EYS: variants seen among roughly 807,000 people sequenced by gnomAD.
EYS encodes the protein protein eyes shut homolog.
EYS carries 250 observed loss-of-function variants against 282.1 expected under a neutral mutation model. The ratio of observed to expected loss-of-function variants is 0.89; its 90% CI spans 0.80 to 0.98. The LOEUF (loss-of-function observed/expected upper bound fraction) is 0.98, where lower values mean the gene tolerates loss of function less well. Ranked by LOEUF, EYS falls within the 50% of genes least tolerant of loss-of-function variation. The pLI is 0.00. For synonymous variants in EYS, 1,355 were observed against 1,282.9 expected (o/e 1.06, Z -1.20); for missense variants, 4,016 against 3,709.0 (o/e 1.08, Z -2.15).
intron 5 of EYS, among the ~76,000 whole-genome samples, chr6:65,437,004 T>C (rs1290204709): frequency 6.6e-6 from 1 of 152,102 alleles, no homozygotes; most frequent in African/African-American, 2.4e-5. Flanking sequence ...AAGTAAAAAT[T>C]AGAAATCTAC....
Position 64,875,270 on chromosome 6 carries a change from A to C in EYS, c.2992+11427T>G, listed in dbSNP as rs1199317199. Among the ~76,000 whole-genome samples the C allele has an allele frequency of 3.3e-5, 5 of 152,004 alleles. No homozygotes were observed. The East Asian group carries it at 7.8e-4, about 24-fold the overall frequency. ...AGGAAGTTGGAGAATTAAAATGTTC[A>C]TGCTTTGGGACATAGGTATTAGGTG... is the stretch of plus-strand genomic sequence containing the variant. On this transcript the variant is annotated intron_variant, in intron 19 of 42. Coordinates refer to ENST00000503581, the MANE Select transcript of EYS (RefSeq NM_001142800.2).
intron 27 of EYS, among the ~76,000 whole-genome samples, chr6:64,436,857 T>C (rs1475706752): frequency 1.3e-5 from 2 of 151,844 alleles, no homozygotes; most frequent in Non-Finnish European, 2.9e-5. Context: ...TACATTGGCT[T>C]ATTAAGCTTC....
chr6:64,115,792 A>AT (rs1367662582), intron 31 of EYS, among the ~76,000 whole-genome samples: 3 of 152,180 alleles, frequency 2.0e-5, no homozygotes, highest in Non-Finnish European at 4.4e-5. Flanking sequence ...AAGAAACATG[A>AT]TATCACAAAA....
chr6:64,234,863 C>T lies in EYS; in HGVS notation c.6192-4039G>A, dbSNP rs117691467. Among the ~76,000 whole-genome samples the T allele has an allele frequency of 2.7e-3, 395 of 148,728 alleles. 6 individuals carry two copies. In the East Asian group the frequency reaches 0.03, roughly 11 times the overall value. On this transcript the variant is annotated intron_variant, in intron 30 of 42. Transcript: ENST00000503581. ...TTCAAGGTTCACCCATGTTGTTGCA[C>T]GTATCAGAACTTTATTCTTTTTTTT...
chr6:64,449,976 A>G (rs1775264991), intron 26 of EYS, among the ~76,000 whole-genome samples: 1 of 152,186 alleles, frequency 6.6e-6, no homozygotes, highest in South Asian at 2.1e-4. Flanking sequence ...AGCTAACATC[A>G]TAATGACAGG....
In EYS at chr6:65,696,413, A is replaced by C. The variant is rs569088247; in HGVS notation, c.-448+10722T>G. On this transcript the variant is annotated intron_variant, in intron 1 of 42. Transcript: ENST00000503581. ...TATTAGACAACTTTTGAAGTTAGTA[A>C]CTTCGAGCTGATTTTAATCATTTAT... 9.2e-5 allele frequency among the ~76,000 whole-genome samples: 14 copies of C among 152,162 alleles called. No homozygotes were observed. In the South Asian group the frequency reaches 2.9e-3, roughly 31 times the overall value.
intron 36 of EYS, among the ~76,000 whole-genome samples, chr6:63,849,823 G>A (rs1171136191): frequency 6.6e-6 from 1 of 152,170 alleles, no homozygotes; most frequent in Non-Finnish European, 1.5e-5. Flanking sequence ...GATGGAGAAT[G>A]AGTTACACAA....
intron 33 of EYS, among the ~76,000 whole-genome samples, chr6:64,012,636 T>C (rs1039683961): frequency 6.6e-6 from 1 of 152,208 alleles, no homozygotes; most frequent in Non-Finnish European, 1.5e-5. Flanking sequence ...ACTTCACTTA[T>C]CCAGTGTGAT....
intron 22 of EYS, among the ~76,000 whole-genome samples, chr6:64,695,142 C>A (rs912378999): frequency 1.1e-4 from 17 of 152,044 alleles, no homozygotes; most frequent in African/African-American, 3.6e-4. Flanking sequence ...CCATCCAACC[C>A]ACCCTAGAGG....
chr6:64,684,814 T>C (rs1031735719), intron 22 of EYS, among the ~76,000 whole-genome samples: 4 of 151,302 alleles, frequency 2.6e-5, no homozygotes, highest in Admixed American at 6.6e-5. Flanking sequence ...AATAGAAAAA[T>C]TAAAATAAGA....
At chr6:64,393,370 C>CA (rs944146107) in intron 28 of EYS, among the ~76,000 whole-genome samples, 1 of 152,076 alleles carries the variant, frequency 6.6e-6, no homozygotes, top group Non-Finnish European at 1.5e-5. Flanking sequence ...AACATTGATG[C>CA]AAAAAACCTC....
intron 5 of EYS, among the ~76,000 whole-genome samples, chr6:65,475,779 A>ACT (rs57842433): frequency 6.6e-6 from 1 of 151,552 alleles, no homozygotes; most frequent in Non-Finnish European, 1.5e-5. Context: ...ACACACACAC[A>ACT]GAGACAGAGA....
chr6:64,531,037 A>G (rs1764311561), intron 26 of EYS, among the ~76,000 whole-genome samples: 1 of 152,172 alleles, frequency 6.6e-6, no homozygotes, highest in Non-Finnish European at 1.5e-5. Context: ...ATTAAGGGCA[A>G]TTTCAAAAGA....
chr6:64,921,647 A>G (rs1027648683), intron 15 of EYS, among the ~76,000 whole-genome samples: 5 of 152,224 alleles, frequency 3.3e-5, no homozygotes, highest in Non-Finnish European at 7.3e-5. Flanking sequence ...TCATGGAAAG[A>G]AAGGATAAAT....
At chr6:65,045,234 C>G (rs1363551690) in intron 13 of EYS, among the ~76,000 whole-genome samples, 1 of 151,878 alleles carries the variant, frequency 6.6e-6, no homozygotes, top group East Asian at 1.9e-4. Context: ...TCTGAACACT[C>G]TGATCTTTGA....
chr6:64,709,879 T>C (rs533998740), intron 22 of EYS, among the ~76,000 whole-genome samples: 2 of 152,358 alleles, frequency 1.3e-5, no homozygotes, highest in Middle Eastern at 3.4e-3. Context: ...CAAAATATTT[T>C]TAACCTGGTT....
chr6:65,634,754 C>T (rs1582546935), intron 2 of EYS, among the ~76,000 whole-genome samples: 1 of 152,128 alleles, frequency 6.6e-6, no homozygotes, highest in South Asian at 2.1e-4. Flanking sequence ...CAAATCTAGT[C>T]GTAACCCCAT....
intron 22 of EYS, among the ~76,000 whole-genome samples, chr6:64,776,166 T>C (rs1773670977): frequency 6.6e-6 from 1 of 152,110 alleles, no homozygotes; most frequent in Admixed American, 6.6e-5. Context: ...TGGACTGATA[T>C]TGCCAATTGA....
chr6:65,577,075 A>T (rs1221885938), intron 2 of EYS, among the ~76,000 whole-genome samples: 2 of 151,868 alleles, frequency 1.3e-5, no homozygotes, highest in Admixed American at 1.3e-4. Context: ...TAATTTTAAA[A>T]TTTAAATGAA....
Sources: gnomAD v4.1 joint callset for allele counts (sites outside exome capture counted in the v4.1 genomes callset) on GRCh38, gnomAD v4.1.1 for gene constraint, MANE v1.5 for transcripts, NCBI Gene and HGNC (gene_info 2026-07-23, HGNC 2026-07-21) for gene names.